Variants in MTUS1 observed in about 807,000 individuals in gnomAD.
The protein encoded by MTUS1 is microtubule-associated tumor suppressor 1.
In MTUS1, 109 loss-of-function variants were observed where a neutral mutation model predicts 120.8. The observed-to-expected ratio is 0.90, with a 90% CI of 0.77 to 1.06. MTUS1 has a LOEUF of 1.06. Among genes scored for constraint, MTUS1 ranks in the 50% least tolerant of loss-of-function variants. The pLI is 0.00. For synonymous variants in MTUS1, 737 were observed against 550.5 expected (o/e 1.34, Z -4.74); for missense variants, 2,210 against 1,486.3 (o/e 1.49, Z -8.01).
At chr8:17,678,154 C>G (rs1487316956) in intron 7 of MTUS1, among the ~76,000 whole-genome samples, 2 of 152,204 alleles carry the variant, frequency 1.3e-5, no homozygotes, top group African/African-American at 4.8e-5. Flanking sequence ...CTGCCTGACT[C>G]TCCCTGGTAG....
intron 1 of MTUS1, among the ~76,000 whole-genome samples, chr8:17,763,290 G>A (rs567772858): frequency 5.0e-4 from 76 of 152,214 alleles, no homozygotes; most frequent in Non-Finnish European, 9.4e-4. Flanking sequence ...ACGCCTGGCC[G>A]GTACCATTTC....
At chr8:17,710,546 G>A (rs974128156) in intron 6 of MTUS1, among the ~76,000 whole-genome samples, 6 of 152,194 alleles carry the variant, frequency 3.9e-5, no homozygotes, top group Non-Finnish European at 5.9e-5. Context: ...TACCACATCT[G>A]CAGTGACTTC....
chr8:17,704,776 ATTG>A (rs1819814266), intron 6 of MTUS1, among the ~76,000 whole-genome samples: 2 of 151,986 alleles, frequency 1.3e-5, no homozygotes, highest in East Asian at 1.9e-4. Flanking sequence ...GACTTTTGGG[ATTG>A]TTTTTTCTAT....
chr8:17,721,620 C>CA (rs2131095072), intron 4 of MTUS1: 1 of 1,409,006 alleles, frequency 7.1e-7, no homozygotes, highest in Admixed American at 2.7e-5. Context: ...TTACAAGTTA[C>CA]AAAAACAGAA....
chr8:17,715,951 C>G (rs1359253990), intron 4 of MTUS1, 50 bp from the exon 5 acceptor site: 1 of 1,545,056 alleles, frequency 6.5e-7, no homozygotes, highest in Non-Finnish European at 8.8e-7. Flanking sequence ...AACACAGTTT[C>G]GACCTTCCAC....
intron 1 of MTUS1, among the ~76,000 whole-genome samples, chr8:17,779,087 G>T (rs183171659): frequency 4.3e-4 from 65 of 152,286 alleles, no homozygotes; most frequent in African/African-American, 8.2e-4. Context: ...GTCAAGGAAG[G>T]CCTCTCTGAA....
chr8:17,749,103 G>A (rs759171363), intron 2 of MTUS1, among the ~76,000 whole-genome samples: 43 of 152,198 alleles, frequency 2.8e-4, no homozygotes, highest in Non-Finnish European at 5.1e-4. Context: ...AAAGGAAGGG[G>A]GAGTCAGACA....
intron 3 of MTUS1, among the ~76,000 whole-genome samples, chr8:17,741,278 C>G (rs1002373259): frequency 2.6e-5 from 4 of 152,142 alleles, no homozygotes; most frequent in African/African-American, 4.8e-5. Flanking sequence ...AGCCCTGTCT[C>G]CAAACACAAT....
chr8:17,681,953 T>C (rs78563917), intron 7 of MTUS1, among the ~76,000 whole-genome samples: 4,666 of 152,294 alleles, frequency 0.031, 166 homozygotes, highest in South Asian at 0.15. Context: ...GTTAATGAGA[T>C]ATTTTACATC....
intron 6 of MTUS1, among the ~76,000 whole-genome samples, chr8:17,708,439 C>CA (rs1426697554): frequency 1.3e-4 from 20 of 152,258 alleles, no homozygotes; most frequent in African/African-American, 4.8e-4. Flanking sequence ...ATAAAAAAGA[C>CA]AGACAAAGCC....
intron 6 of MTUS1, among the ~76,000 whole-genome samples, chr8:17,695,523 T>G (rs953470590): frequency 2.0e-5 from 3 of 152,218 alleles, no homozygotes; most frequent in Admixed American, 2.0e-4. Context: ...AAATAAAATG[T>G]GTCCAATACA....
At chr8:17,674,815 G>A in intron 8 of MTUS1, 1 of 1,054,274 alleles carries the variant, frequency 9.5e-7, no homozygotes. Flanking sequence ...CGGATTTACT[G>A]TTTATCAAGA....
intron 9 of MTUS1, 71 bp from the exon 10 acceptor site, chr8:17,654,737 C>G: frequency 1.9e-6 from 2 of 1,069,368 alleles, no homozygotes; most frequent in Non-Finnish European, 2.9e-6. Context: ...GCAAAGCAAC[C>G]ACATTAGGAG....
At chr8:17,731,796 A>G (rs1222041380) in intron 3 of MTUS1, among the ~76,000 whole-genome samples, 2 of 152,258 alleles carry the variant, frequency 1.3e-5, no homozygotes, top group East Asian at 1.9e-4. Context: ...CAAAGAGTTG[A>G]TAACTTTTAT....
At chr8:17,712,660 G>GTCCA (rs541126193) in intron 6 of MTUS1, among the ~76,000 whole-genome samples, 11 of 152,032 alleles carry the variant, frequency 7.2e-5, no homozygotes, top group South Asian at 2.1e-4. Context: ...CTGTCTGTCT[G>GTCCA]TCCATCCATC....
At chr8:17,795,259 G>T (rs567816254) in intron 1 of MTUS1, among the ~76,000 whole-genome samples, 27 of 152,278 alleles carry the variant, frequency 1.8e-4, no homozygotes, top group African/African-American at 6.3e-4. Flanking sequence ...TGATAAGTAT[G>T]AGTCTTTCCC....
At chr8:17,748,925 G>A (rs1337667848) in intron 2 of MTUS1, among the ~76,000 whole-genome samples, 1 of 152,170 alleles carries the variant, frequency 6.6e-6, no homozygotes, top group African/African-American at 2.4e-5. Flanking sequence ...ATGGGAGTCT[G>A]AGCCTTACTC....
chr8:17,667,788 G>A (rs924188722), intron 8 of MTUS1, among the ~76,000 whole-genome samples: 6 of 152,130 alleles, frequency 3.9e-5, no homozygotes, highest in African/African-American at 1.4e-4. Context: ...AGCTTCCCTT[G>A]GGAAGTTACT....
At chr8:17,667,062 C>T (rs770272984) in intron 8 of MTUS1, among the ~76,000 whole-genome samples, 2 of 152,156 alleles carry the variant, frequency 1.3e-5, no homozygotes, top group African/African-American at 2.4e-5. Flanking sequence ...GGAGTTAGGA[C>T]AAGGAACAGG....
Sources: gnomAD v4.1 joint callset for allele counts (sites outside exome capture counted in the v4.1 genomes callset) on GRCh38, gnomAD v4.1.1 for gene constraint, MANE v1.5 for transcripts, NCBI Gene and HGNC (gene_info 2026-07-23, HGNC 2026-07-21) for gene names.